MAN2B2: variants seen among roughly 807,000 people sequenced by gnomAD.
The protein encoded by MAN2B2 is epididymis-specific alpha-mannosidase.
A neutral mutation model predicts 117.1 loss-of-function variants in MAN2B2; 106 were observed. The ratio of observed to expected loss-of-function variants is 0.90; its 90% confidence interval spans 0.77 to 1.06. The LOEUF is 1.06. Among genes scored for constraint, MAN2B2 ranks in the 50% least tolerant of loss-of-function variants. The probability of loss-of-function intolerance (pLI) is 0.00; values close to 1 mark genes in which losing one functional copy is unlikely to be tolerated. For synonymous variants in MAN2B2, 544 were observed against 595.1 expected, an observed-to-expected ratio of 0.91 and a Z score of 1.25; for missense variants, 1,326 against 1,381.4, an observed-to-expected ratio of 0.96 and a Z score of 0.64.
intron 3 of MAN2B2, among the ~76,000 whole-genome samples, chr4:6,579,072 C>CCAT (rs201102558): frequency 1.6e-5 from 1 of 63,768 alleles, no homozygotes; most frequent in Non-Finnish European, 3.1e-5. Flanking sequence ...ATCACCATCA[C>CCAT]CACCACCACC....
At chr4:6,607,775 A>T (rs1350558929) in intron 11 of MAN2B2, among the ~76,000 whole-genome samples, 3 of 152,148 alleles carry the variant, frequency 2.0e-5, no homozygotes, top group Non-Finnish European at 4.4e-5. Context: ...GTCACAAGCT[A>T]ACTCTATGTT....
At position 6,605,224 on chromosome 4, in the gene MAN2B2, G is replaced by A. The variant is rs371706334; in HGVS notation, c.1709G>A (p.Arg570Lys). 26 of 1,614,088 alleles carry A rather than the reference G, an allele frequency of 1.6e-5. No individual in the cohort carries two copies. In the African/African-American group the frequency reaches 2.9e-4, roughly 18 times the overall value. The change falls in exon 11 of 19, where the codon AGG becomes AAG. Residue 570 changes from arginine (R) to lysine (K), a missense_variant. Physicochemically the swap from Arg to Lys is conservative, Grantham distance 26. Coordinates refer to ENST00000285599, the MANE Select transcript of MAN2B2 (RefSeq NM_015274.3). The part of the protein sequence containing the change: ...ASTLQFGRRL[R>K]RRTSHAGRYL... ...ACCCTTCAATTTGGCCGCAGGCTGA[G>A]GAGACGCACCAGCCATGCGGGCAGG... is the stretch of plus-strand genomic sequence containing the variant.
At chr4:6,603,720 T>C (rs1560653995) in intron 10 of MAN2B2, among the ~76,000 whole-genome samples, 6 of 150,710 alleles carry the variant, frequency 4.0e-5, no homozygotes. Context: ...ATAAGTAAAA[T>C]AAGAAAAATA....
At chr4:6,606,527 C>G (rs371152464) in intron 11 of MAN2B2, among the ~76,000 whole-genome samples, 12 of 152,234 alleles carry the variant, frequency 7.9e-5, no homozygotes, top group African/African-American at 2.9e-4. Flanking sequence ...CTTAGGGCAG[C>G]CCACGGACCC....
intron 16 of MAN2B2, among the ~76,000 whole-genome samples, chr4:6,616,108 T>C (rs771070035): frequency 2.7e-4 from 41 of 151,038 alleles, no homozygotes; most frequent in Non-Finnish European, 5.5e-4. Context: ...CCTGCCAAAA[T>C]TTTTTTTTTA....
intron 7 of MAN2B2, among the ~76,000 whole-genome samples, chr4:6,595,333 A>G (rs879397199): frequency 1.3e-5 from 2 of 152,218 alleles, no homozygotes; most frequent in African/African-American, 2.4e-5. Flanking sequence ...TGAAAATTCA[A>G]TGAGAAGAAG....
At chr4:6,620,529 T>TCC (rs1712121881) in intron 18 of MAN2B2, 1 of 176,748 alleles carries the variant, frequency 5.7e-6, no homozygotes. Flanking sequence ...CCAGGATGCC[T>TCC]CCCCAGAGTC....
At position 6,621,695 on chromosome 4, in the gene MAN2B2, G is replaced by C. The variant is rs1459290462; in HGVS notation, c.*410G>C. ...CCAGTGGTAACTGTGGACCTACTGC[G>C]TGCCACGTGTTTTCATAGACTCATC... is the stretch of plus-strand genomic sequence containing the variant. On this transcript the variant is annotated 3_prime_UTR_variant, in exon 19 of 19. Coordinates refer to ENST00000285599, the MANE Select transcript of MAN2B2 (RefSeq NM_015274.3). 6.2e-6 allele frequency: 1 copy of C among 160,332 alleles called. No homozygotes were observed. The highest frequency in any genetic ancestry group is 1.4e-5 in the Non-Finnish European group (1 of 73,384). 9.9% of individuals were successfully genotyped at this position (160,332 alleles called of 1,614,324 possible).
At chr4:6,575,757 C>A (rs531328451) in intron 1 of MAN2B2, among the ~76,000 whole-genome samples, 6 of 152,322 alleles carry the variant, frequency 3.9e-5, no homozygotes, top group Non-Finnish European at 5.9e-5. Flanking sequence ...CAGCGTCCTC[C>A]GCCCCCCAGG....
chr4:6,619,131 G>A (rs796717490), intron 17 of MAN2B2: 1 of 152,270 alleles, frequency 6.6e-6, no homozygotes, highest in Non-Finnish European at 1.5e-5. Flanking sequence ...ATTGAGTTAG[G>A]AACGCAGTGA....
At chr4:6,588,087 A>C (rs562586871) in intron 4 of MAN2B2, among the ~76,000 whole-genome samples, 2 of 152,198 alleles carry the variant, frequency 1.3e-5, no homozygotes, top group East Asian at 3.9e-4. Flanking sequence ...TAACCCTCAC[A>C]GCAACCTTAT....
chr4:6,606,498 G>A (rs1343216376), intron 11 of MAN2B2, among the ~76,000 whole-genome samples: 1 of 152,234 alleles, frequency 6.6e-6, no homozygotes, highest in African/African-American at 2.4e-5. Context: ...CAGGCCCCAT[G>A]CCCCCTCTGT....
At chr4:6,578,629 G>A (rs533388762) in intron 3 of MAN2B2, 131 bp downstream of exon 3, 62 of 682,648 alleles carry the variant, frequency 9.1e-5, no homozygotes, top group African/African-American at 8.5e-4. Flanking sequence ...ACCAGTGAAA[G>A]CAGTGATTTG....
At chr4:6,581,171 A>G (rs899315653) in intron 3 of MAN2B2, among the ~76,000 whole-genome samples, 109 of 152,060 alleles carry the variant, frequency 7.2e-4, no homozygotes, top group African/African-American at 2.6e-3. Flanking sequence ...TGCTATCCAA[A>G]TGTGCCCACC....
intron 15 of MAN2B2, among the ~76,000 whole-genome samples, chr4:6,613,810 G>GAGGA (rs373466139): frequency 3.8e-5 from 5 of 132,016 alleles, no homozygotes; most frequent in Admixed American, 1.5e-4. Flanking sequence ...GAAGAGGGAG[G>GAGGA]AGGAAGGAAG....
At chr4:6,578,744 C>T (rs1726165787) in intron 3 of MAN2B2, among the ~76,000 whole-genome samples, 1 of 152,080 alleles carries the variant, frequency 6.6e-6, no homozygotes, top group Non-Finnish European at 1.5e-5. Context: ...CCAATTCCCT[C>T]CTCTGTGACC....
intron 5 of MAN2B2, among the ~76,000 whole-genome samples, chr4:6,590,310 G>A (rs998220214): frequency 1.1e-4 from 17 of 151,318 alleles, no homozygotes; most frequent in Non-Finnish European, 2.2e-4. Flanking sequence ...ACTTGAACCC[G>A]GGAGGCACAG....
In MAN2B2 at chr4:6,593,187, G is replaced by A; in HGVS notation, c.695G>A (p.Trp232Ter). 6.2e-7 allele frequency: 1 copy of A among 1,613,782 alleles called. No homozygotes were observed. The highest frequency in any genetic ancestry group is 8.5e-7 in the Non-Finnish European group (1 of 1,179,834). Reference sequence around the variant, plus strand: ...CCCTCGCACAGGTCAGGATTTTACTGGAATGGCGTGGCTGTCTTCCCCAAG... The same window carrying A: ...CCCTCGCACAGGTCAGGATTTTACTAGAATGGCGTGGCTGTCTTCCCCAAG... Reference protein sequence around the residue: ...IPFSNRSGFYWNGVAVFPKPP... With the variant: ...IPFSNRSGFY The change falls in exon 6 of 19, where the codon TGG (tryptophan) becomes TAG (stop). Residue 232 changes from tryptophan (W) to a stop codon, truncating the protein, a stop_gained. Transcript: ENST00000285599. LOFTEE classifies it high-confidence loss of function.
intron 12 of MAN2B2, 68 bp from the exon 13 acceptor site, chr4:6,609,730 G>A (rs1727691242): frequency 8.5e-7 from 1 of 1,170,908 alleles, no homozygotes; most frequent in Non-Finnish European, 1.2e-6. Context: ...CATGAAGGAA[G>A]GGAAGCAAAA....
Sources: gnomAD v4.1 joint callset for allele counts (sites outside exome capture counted in the v4.1 genomes callset) on GRCh38, gnomAD v4.1.1 for gene constraint, MANE v1.5 for transcripts, NCBI Gene and HGNC (gene_info 2026-07-23, HGNC 2026-07-21) for gene names.